Variants in MLIP observed in about 807,000 individuals in gnomAD.
MLIP encodes the protein muscular LMNA interacting protein.
A neutral mutation model predicts 84.8 loss-of-function variants in MLIP; 79 were observed. The ratio of observed to expected loss-of-function variants is 0.93; its 90% CI spans 0.78 to 1.12. The LOEUF (loss-of-function observed/expected upper bound fraction) is 1.12. MLIP is among the 50% of genes most tolerant of loss of function. MLIP has a pLI of 0.00. For synonymous variants in MLIP, 504 were observed against 463.0 expected (o/e 1.09, Z -1.14); for missense variants, 1,257 against 1,160.6 (o/e 1.08, Z -1.21).
intron 3 of MLIP, among the ~76,000 whole-genome samples, chr6:54,134,016 G>T (rs935509862): frequency 1.3e-5 from 2 of 152,130 alleles, no homozygotes; most frequent in Non-Finnish European, 2.9e-5. Flanking sequence ...ACCTAGAACA[G>T]CCTTGAGGGA....
chr6:54,242,349 A>G (rs1203977473), intron 12 of MLIP, among the ~76,000 whole-genome samples: 2 of 152,290 alleles, frequency 1.3e-5, no homozygotes, highest in East Asian at 3.9e-4. Context: ...TACGTGTGTA[A>G]CGTTTATATT....
intron 4 of MLIP, among the ~76,000 whole-genome samples, chr6:54,143,377 T>C (rs549768470): frequency 5.3e-5 from 8 of 152,220 alleles, no homozygotes; most frequent in Non-Finnish European, 8.8e-5. Context: ...AGCTAAGTTT[T>C]GTATTTTTAG....
intron 12 of MLIP, among the ~76,000 whole-genome samples, chr6:54,232,470 T>C (rs1781073606): frequency 6.6e-6 from 1 of 152,092 alleles, no homozygotes; most frequent in South Asian, 2.1e-4. Flanking sequence ...TCTTTCTGAG[T>C]GTGAGATTTG....
intron 1 of MLIP, among the ~76,000 whole-genome samples, chr6:54,078,884 T>C (rs1766967507): frequency 6.6e-6 from 1 of 152,006 alleles, no homozygotes; most frequent in Admixed American, 6.6e-5. Flanking sequence ...AGAGATGGGG[T>C]TTCACCACGT....
intron 1 of MLIP, among the ~76,000 whole-genome samples, chr6:54,113,567 AAAG>A (rs2150411832): frequency 6.6e-6 from 1 of 152,338 alleles, no homozygotes; most frequent in South Asian, 2.1e-4. Context: ...TTAAAGGCGA[AAAG>A]AATATTGAAA....
intron 3 of MLIP, 82 bp downstream of exon 3, chr6:54,124,947 C>T (rs1223309220): frequency 1.5e-6 from 2 of 1,302,670 alleles, no homozygotes; most frequent in Non-Finnish European, 2.1e-6. Flanking sequence ...CAAAGGCCAT[C>T]CTGTTTAAGG....
chr6:54,149,049 A>G lies in MLIP; in HGVS notation c.2218-7A>G, dbSNP rs370921410. ...CTCTACTCTTGCTTTCTGGTTGCCC[A>G]TTCTAGCAATACAAGACCAAGTCAA... On this transcript the variant is annotated splice_region_variant and splice_polypyrimidine_tract_variant and intron_variant, in intron 4 of 13. Coordinates refer to ENST00000502396, the MANE Select transcript of MLIP (RefSeq NM_001281747.2). 48 of 1,611,874 alleles carry G rather than the reference A, an allele frequency of 3.0e-5. No individual in the cohort carries two copies. In the African/African-American group the frequency reaches 4.9e-4, roughly 17 times the overall value.
chr6:54,158,485 T>A (rs953538157), intron 5 of MLIP, among the ~76,000 whole-genome samples: 1 of 152,104 alleles, frequency 6.6e-6, no homozygotes, highest in African/African-American at 2.4e-5. Flanking sequence ...TGGCATATAT[T>A]TTTTGTGTAA....
rs58366646 is a variant in MLIP at position 54,231,481 on chromosome 6, GTGTCTGTC to G, written c.2922+571_2922+578del. Among the ~76,000 whole-genome samples the G allele has an allele frequency of 1.2e-4, 18 of 151,572 alleles. No individual in the cohort carries two copies. The Middle Eastern group carries it at 0.01, about 87-fold the overall frequency. ...AGTGTGTGTGTGCGTGTGTGTGCGTGTGTCTGTCTGTCTGAGTGTGTATGATACAAAAC... is the reference window on the plus strand; with the variant it reads ...AGTGTGTGTGTGCGTGTGTGTGCGTGTGTCTGAGTGTGTATGATACAAAAC... On this transcript the variant is annotated intron_variant, in intron 12 of 13. Coordinates refer to ENST00000502396, the MANE Select transcript of MLIP (RefSeq NM_001281747.2).
intron 8 of MLIP, among the ~76,000 whole-genome samples, chr6:54,162,856 A>G (rs1331395169): frequency 2.0e-5 from 3 of 152,030 alleles, no homozygotes; most frequent in Admixed American, 2.0e-4. Context: ...TCCTGTACAG[A>G]GTTCCAAGGA....
Position 54,022,117 on chromosome 6 carries a change from G to T in MLIP, c.63+3026G>T, listed in dbSNP as rs566484285. Among the ~76,000 whole-genome samples, 21 of 152,294 alleles carry T rather than the reference G, an allele frequency of 1.4e-4. No individual in the cohort carries two copies. In the South Asian group the frequency reaches 3.3e-3, roughly 24 times the overall value. Reference sequence around the variant, plus strand: ...TCCTATCATGTATTTTCTAAACTCTGTTCCTGGGAATTCTGATTTTCCAAA... The same window carrying T: ...TCCTATCATGTATTTTCTAAACTCTTTTCCTGGGAATTCTGATTTTCCAAA... On this transcript the variant is annotated intron_variant, in intron 1 of 12. Transcript: ENST00000274897.
At chr6:54,189,144 G>C (rs1777679868) in intron 9 of MLIP, among the ~76,000 whole-genome samples, 1 of 152,274 alleles carries the variant, frequency 6.6e-6, no homozygotes, top group African/African-American at 2.4e-5. Context: ...TCAACATGAA[G>C]TTTCAGTTAA....
intron 1 of MLIP, among the ~76,000 whole-genome samples, chr6:54,098,699 T>C (rs570172702): frequency 1.3e-5 from 2 of 152,174 alleles, no homozygotes; most frequent in East Asian, 3.9e-4. Flanking sequence ...AGGTGGAAAA[T>C]AGTGAACGAG....
chr6:54,107,350 A>G (rs1408792703), upstream of MLIP, among the ~76,000 whole-genome samples: 1 of 152,232 alleles, frequency 6.6e-6, no homozygotes, highest in Non-Finnish European at 1.5e-5. Flanking sequence ...TGTCCAATAC[A>G]GATGAGGCCA....
intron 3 of MLIP, among the ~76,000 whole-genome samples, chr6:54,125,999 T>C (rs1194571494): frequency 1.3e-5 from 2 of 151,822 alleles, no homozygotes; most frequent in Non-Finnish European, 2.9e-5. Context: ...CACACTGCGG[T>C]ACTCACATTT....
At chr6:54,048,676 A>G (rs1765210076) in intron 1 of MLIP, among the ~76,000 whole-genome samples, 1 of 152,128 alleles carries the variant, frequency 6.6e-6, no homozygotes, top group African/African-American at 2.4e-5. Flanking sequence ...TGAAGAGCAG[A>G]GTGGTTCCAT....
At chr6:54,212,198 A>G (rs1779504144) in intron 11 of MLIP, among the ~76,000 whole-genome samples, 1 of 152,228 alleles carries the variant, frequency 6.6e-6, no homozygotes, top group African/African-American at 2.4e-5. Flanking sequence ...CAACTAAAAG[A>G]GAAATTTGAA....
intron 1 of MLIP, among the ~76,000 whole-genome samples, chr6:54,025,955 A>T (rs529781272): frequency 1.6e-4 from 25 of 152,180 alleles, no homozygotes; most frequent in Admixed American, 3.3e-4. Context: ...CAGAGATAGC[A>T]TCCAGAGTTG....
rs9474776 is a variant in MLIP at position 54,256,140 on chromosome 6, C to T, written c.2923-1168C>T. ...TAGAAGGAGTCCTGTTGCTATGATA[C>T]CCAAAGGATTTTATAGTTGGGAACA... On this transcript the variant is annotated intron_variant, in intron 12 of 13. Transcript: ENST00000502396. 5.9e-5 allele frequency among the ~76,000 whole-genome samples: 9 copies of T among 152,176 alleles called. No homozygotes were observed. The East Asian group carries it at 1.5e-3, about 26-fold the overall frequency.
Sources: allele counts gnomAD v4.1 joint callset (sites outside exome capture counted in the v4.1 genomes callset), GRCh38; gene constraint gnomAD v4.1.1; transcripts MANE v1.5; gene names NCBI Gene and HGNC (gene_info 2026-07-23, HGNC 2026-07-21).